The following ZNF385D variants were observed in gnomAD, a reference collection of about 807,000 sequenced individuals.
ZNF385D encodes zinc finger protein 385D, also known as zinc finger protein 659.
ZNF385D carries 15 observed loss-of-function variants against 35.8 expected under a neutral mutation model. The ratio of observed to expected loss-of-function variants is 0.42; its 90% CI spans 0.28 to 0.64. The LOEUF is 0.64. Ranked by LOEUF, ZNF385D falls within the 30% of genes least tolerant of loss-of-function variation. The pLI is 0.23. For missense variants in ZNF385D, 474 were observed against 494.6 expected (o/e 0.96, Z 0.39); for synonymous variants, 212 against 186.8 (o/e 1.13, Z -1.10).
chr3:22,002,523 C>T (rs1695904651), intron 3 of ZNF385D, among the ~76,000 whole-genome samples: 1 of 152,106 alleles, frequency 6.6e-6, no homozygotes, highest in Non-Finnish European at 1.5e-5. Context: ...AACAAAAACT[C>T]TTCTCTATCT....
intron 3 of ZNF385D, among the ~76,000 whole-genome samples, chr3:22,030,256 C>CATAT (rs71044967): frequency 0.042 from 911 of 21,614 alleles, 117 homozygotes; most frequent in Middle Eastern, 0.17. Flanking sequence ...TAAACTCATT[C>CATAT]ATATATATAT....
chr3:21,536,238 T>C (rs2062033589), intron 3 of ZNF385D, among the ~76,000 whole-genome samples: 1 of 152,066 alleles, frequency 6.6e-6, no homozygotes, highest in South Asian at 2.1e-4. Context: ...TCTAGCAATA[T>C]GCTTAGTGCT....
At chr3:22,086,373 A>G (rs1701042252) in intron 3 of ZNF385D, among the ~76,000 whole-genome samples, 1 of 152,226 alleles carries the variant, frequency 6.6e-6, no homozygotes, top group Admixed American at 6.5e-5. Context: ...TACAAAATCA[A>G]TGTGCAAAAA....
At chr3:22,263,236 T>C (rs1700725228) in intron 2 of ZNF385D, among the ~76,000 whole-genome samples, 1 of 151,986 alleles carries the variant, frequency 6.6e-6, no homozygotes, top group African/African-American at 2.4e-5. Context: ...CTGGAATCCA[T>C]CTAACCCAGT....
intron 2 of ZNF385D, among the ~76,000 whole-genome samples, chr3:22,291,632 A>T (rs1363811049): frequency 6.6e-6 from 1 of 151,978 alleles, no homozygotes; most frequent in Non-Finnish European, 1.5e-5. Flanking sequence ...TAATAATTTT[A>T]TTGTTTTACT....
chr3:21,877,624 G>C (rs1698050392), intron 3 of ZNF385D, among the ~76,000 whole-genome samples: 1 of 152,028 alleles, frequency 6.6e-6, no homozygotes, highest in African/African-American at 2.4e-5. Context: ...GTTTGCTCTG[G>C]ATTATAAACT....
intron 5 of ZNF385D, among the ~76,000 whole-genome samples, chr3:21,436,048 C>T (rs1354321120): frequency 6.6e-6 from 1 of 152,134 alleles, no homozygotes; most frequent in East Asian, 1.9e-4. Flanking sequence ...TAGTTGCTGA[C>T]AGAGTCCTGG....
At chr3:21,603,745 A>T (rs973106801) in intron 2 of ZNF385D, among the ~76,000 whole-genome samples, 4 of 152,198 alleles carry the variant, frequency 2.6e-5, no homozygotes, top group Admixed American at 1.3e-4. Context: ...TAGCTAGTTG[A>T]TGGAAAGGTG....
chr3:21,565,198 G>C (rs538019557), intron 2 of ZNF385D, among the ~76,000 whole-genome samples: 12 of 151,884 alleles, frequency 7.9e-5, no homozygotes, highest in African/African-American at 2.9e-4. Context: ...GAAACATATG[G>C]AGATGTTAAT....
chr3:21,626,364 A>G (rs77498131), intron 2 of ZNF385D, among the ~76,000 whole-genome samples: 5 of 152,136 alleles, frequency 3.3e-5, no homozygotes, highest in African/African-American at 7.2e-5. Context: ...AAAAGTCCAT[A>G]TAATGTAAAC....
At chr3:21,771,826 T>C (rs898143317) in intron 3 of ZNF385D, among the ~76,000 whole-genome samples, 5 of 151,874 alleles carry the variant, frequency 3.3e-5, no homozygotes, top group Non-Finnish European at 7.4e-5. Flanking sequence ...TTACTGATTT[T>C]AAAACATACT....
Position 21,413,802 on chromosome 3 carries a change from C to T in ZNF385D, c.*7412G>A, listed in dbSNP as rs1222659305. The T allele has an allele frequency of 1.3e-5, 2 of 152,200 alleles. No homozygotes were observed. Among genetic ancestry groups the T allele is most frequent in the South Asian group, 2.1e-4 (1 of 4,826 alleles). 9.4% of individuals were successfully genotyped at this position (152,200 alleles called of 1,614,324 possible). ...AATAAGCTTGGTTGTCAAAAGAACA[C>T]TGCCTTCAATTTATAGTCACTAAAT... On this transcript the variant is annotated 3_prime_UTR_variant, in exon 8 of 8. Transcript: ENST00000281523.
At chr3:22,303,493 A>C (rs1703030463) in intron 2 of ZNF385D, among the ~76,000 whole-genome samples, 1 of 152,086 alleles carries the variant, frequency 6.6e-6, no homozygotes, top group South Asian at 2.1e-4. Flanking sequence ...CTTTCTTTTT[A>C]GTTTATGAGG....
intron 2 of ZNF385D, among the ~76,000 whole-genome samples, chr3:21,602,363 T>C (rs1352506841): frequency 1.3e-5 from 2 of 151,860 alleles, no homozygotes; most frequent in African/African-American, 2.4e-5. Context: ...CTAGCACATA[T>C]TGGCCAGCGT....
intron 2 of ZNF385D, among the ~76,000 whole-genome samples, chr3:22,196,026 G>C (rs1297231264): frequency 2.0e-5 from 3 of 152,104 alleles, no homozygotes; most frequent in Non-Finnish European, 4.4e-5. Context: ...CTTTTCGAGG[G>C]TGGAGGGTAA....
intron 3 of ZNF385D, among the ~76,000 whole-genome samples, chr3:21,516,542 A>C (rs1707578083): frequency 6.6e-6 from 1 of 152,138 alleles, no homozygotes; most frequent in Admixed American, 6.6e-5. Context: ...CATGAATTTA[A>C]ATCTGCATAA....
intron 3 of ZNF385D, among the ~76,000 whole-genome samples, chr3:22,025,660 C>A (rs1338869405): frequency 6.6e-6 from 1 of 152,106 alleles, no homozygotes; most frequent in East Asian, 1.9e-4. Context: ...AGATGGCCCA[C>A]TGTGAGCGAG....
chr3:22,231,173 T>A (rs946882088), intron 2 of ZNF385D, among the ~76,000 whole-genome samples: 1 of 151,968 alleles, frequency 6.6e-6, no homozygotes, highest in African/African-American at 2.4e-5. Context: ...AAAAGTGCAA[T>A]TGTTAACAGT....
intron 2 of ZNF385D, among the ~76,000 whole-genome samples, chr3:21,574,329 G>A (rs986505294): frequency 6.6e-6 from 1 of 151,948 alleles, no homozygotes; most frequent in Non-Finnish European, 1.5e-5. Context: ...ATTCCTAACT[G>A]AAAAAACTAC....
Sources: gnomAD v4.1 joint callset for allele counts (sites outside exome capture counted in the v4.1 genomes callset) on GRCh38, gnomAD v4.1.1 for gene constraint, MANE v1.5 for transcripts, NCBI Gene and HGNC (gene_info 2026-07-23, HGNC 2026-07-21) for gene names.